The following TRHDE variants were observed in gnomAD, a reference collection of about 807,000 sequenced individuals.
TRHDE encodes thyrotropin-releasing hormone-degrading ectoenzyme.
TRHDE carries 72 observed loss-of-function variants against 125.7 expected under a neutral mutation model. The observed-to-expected ratio is 0.57, with a 90% CI of 0.47 to 0.70. The LOEUF (loss-of-function observed/expected upper bound fraction) is 0.70, where lower values mean the gene tolerates loss of function less well. Among genes scored for constraint, TRHDE ranks in the 30% least tolerant of loss-of-function variants. TRHDE has a pLI of 0.00. For synonymous variants in TRHDE, 509 were observed against 509.1 expected, an observed-to-expected ratio of 1.00 and a Z score of 0.00; for missense variants, 1,110 against 1,327.1, an observed-to-expected ratio of 0.84 and a Z score of 2.54.
At chr12:72,340,832 A>G (rs1049042777) in intron 2 of TRHDE, among the ~76,000 whole-genome samples, 1 of 152,126 alleles carries the variant, frequency 6.6e-6, no homozygotes, top group Non-Finnish European at 1.5e-5. Context: ...TGTAAGCTTT[A>G]TTATAAAGGA....
intron 2 of TRHDE, among the ~76,000 whole-genome samples, chr12:72,236,084 T>C (rs1878332870): frequency 6.6e-6 from 1 of 152,194 alleles, no homozygotes; most frequent in Admixed American, 6.6e-5. Context: ...AAAATTAATG[T>C]TCATCATTTT....
chr12:72,185,187 G>A (rs1023581487), intron 2 of TRHDE, among the ~76,000 whole-genome samples: 2 of 152,220 alleles, frequency 1.3e-5, no homozygotes, highest in Non-Finnish European at 2.9e-5. Flanking sequence ...CTTAGCACCC[G>A]GGCCAGTGGC....
intron 2 of TRHDE, among the ~76,000 whole-genome samples, chr12:72,355,409 A>T (rs1032241153): frequency 6.6e-6 from 1 of 151,372 alleles, no homozygotes; most frequent in Non-Finnish European, 1.5e-5. Flanking sequence ...TTCAAGATGG[A>T]GGCTACATGG....
intron 9 of TRHDE, among the ~76,000 whole-genome samples, chr12:72,566,199 A>G (rs1870433234): frequency 6.6e-6 from 1 of 152,080 alleles, no homozygotes; most frequent in South Asian, 2.1e-4. Flanking sequence ...AATTTCAAAT[A>G]TGCTTGGTAA....
At chr12:72,474,307 A>C (rs866928837) in intron 5 of TRHDE, among the ~76,000 whole-genome samples, 9 of 152,134 alleles carry the variant, frequency 5.9e-5, no homozygotes, top group Admixed American at 4.6e-4. Flanking sequence ...TCTGCCCTTC[A>C]GGAAGTTTTC....
chr12:72,513,725 G>C (rs1216609621), intron 6 of TRHDE, among the ~76,000 whole-genome samples: 1 of 151,792 alleles, frequency 6.6e-6, no homozygotes, highest in Non-Finnish European at 1.5e-5. Context: ...ACAAAATCTG[G>C]CTTTTGTCTT....
At chr12:72,371,453 T>C (rs939263234) in intron 2 of TRHDE, among the ~76,000 whole-genome samples, 4 of 151,536 alleles carry the variant, frequency 2.6e-5, no homozygotes, top group Non-Finnish European at 4.4e-5. Context: ...AGGTTAGTTA[T>C]ATATGTATAC....
intron 6 of TRHDE, among the ~76,000 whole-genome samples, chr12:72,515,591 G>T (rs535860359): frequency 1.9e-4 from 29 of 152,190 alleles, no homozygotes; most frequent in African/African-American, 7.0e-4. Flanking sequence ...GTTGTAGGTT[G>T]TCTGTTCACT....
intron 2 of TRHDE, among the ~76,000 whole-genome samples, chr12:72,290,919 T>C (rs1362258034): frequency 6.6e-6 from 1 of 152,206 alleles, no homozygotes; most frequent in South Asian, 2.1e-4. Context: ...AAGTGAGCAC[T>C]AAGGATAGTG....
At chr12:72,519,962 G>T (rs1278684409) in intron 6 of TRHDE, among the ~76,000 whole-genome samples, 2 of 152,188 alleles carry the variant, frequency 1.3e-5, no homozygotes, top group Non-Finnish European at 2.9e-5. Context: ...TGGGGGTCAG[G>T]GGTCAGGGAC....
At chr12:72,129,443 T>C (rs1052363402) in intron 2 of TRHDE, among the ~76,000 whole-genome samples, 5 of 152,212 alleles carry the variant, frequency 3.3e-5, no homozygotes, top group Non-Finnish European at 4.4e-5. Context: ...TCTCCAAACC[T>C]TCCTAACACT....
chr12:72,660,039 G>A (rs1388325960), intron 18 of TRHDE, among the ~76,000 whole-genome samples: 1 of 152,032 alleles, frequency 6.6e-6, no homozygotes. Flanking sequence ...AGACAAGGGG[G>A]CAGGGTAAGG....
chr12:72,104,940 T>C (rs1875150121), intron 1 of TRHDE, among the ~76,000 whole-genome samples: 1 of 152,176 alleles, frequency 6.6e-6, no homozygotes, highest in Non-Finnish European at 1.5e-5. Context: ...TTTCTCATGC[T>C]AGCTTTTCCA....
chr12:72,102,347 A>G (rs974408891), intron 1 of TRHDE, among the ~76,000 whole-genome samples: 1 of 152,118 alleles, frequency 6.6e-6, no homozygotes, highest in Admixed American at 6.5e-5. Flanking sequence ...AGTCATACAA[A>G]GACTCTCCAC....
chr12:72,621,749 C>T lies in TRHDE; in HGVS notation c.2673C>T (p.Asn891=). 6.2e-7 allele frequency: 1 copy of T among 1,600,536 alleles called. No homozygotes were observed. Among genetic ancestry groups the T allele is most frequent in the East Asian group, 2.3e-5 (1 of 43,946 alleles). The change falls in exon 15 of 19, where the codon AAC becomes AAT. Residue 891 remains asparagine (N), a splice_region_variant and synonymous_variant. Coordinates refer to ENST00000261180, the MANE Select transcript of TRHDE (RefSeq NM_013381.3). ...CAGATTGGATTTCCAGCAACAGGAA[C>T]AGGTAAACTGAGCCAAATCCTGTAT... ...LISDWISSNR[N]RIPLNVRDIV...
At chr12:72,577,369 A>AGGAAAT (rs147140091) in intron 12 of TRHDE, among the ~76,000 whole-genome samples, 62 of 152,294 alleles carry the variant, frequency 4.1e-4, no homozygotes, top group African/African-American at 1.5e-3. Flanking sequence ...TCTAAGTGTG[A>AGGAAAT]GGAAATGGAA....
intron 2 of TRHDE, among the ~76,000 whole-genome samples, chr12:72,136,698 C>G (rs1875993554): frequency 6.6e-6 from 1 of 152,124 alleles, no homozygotes; most frequent in Non-Finnish European, 1.5e-5. Context: ...AGGGAATATC[C>G]AATTGAAGGG....
chr12:72,103,121 G>A (rs1431017573), intron 1 of TRHDE, among the ~76,000 whole-genome samples: 1 of 152,180 alleles, frequency 6.6e-6, no homozygotes, highest in Non-Finnish European at 1.5e-5. Context: ...CAGCGTCCCA[G>A]AGAGCCCAGT....
At chr12:72,587,154 A>G (rs1436449001) in intron 12 of TRHDE, among the ~76,000 whole-genome samples, 2 of 152,222 alleles carry the variant, frequency 1.3e-5, no homozygotes, top group Non-Finnish European at 2.9e-5. Flanking sequence ...AATTATTCAC[A>G]GAAAAATAGT....
Sources: allele counts gnomAD v4.1 joint callset (sites outside exome capture counted in the v4.1 genomes callset), GRCh38; gene constraint gnomAD v4.1.1; transcripts MANE v1.5; gene names NCBI Gene and HGNC (gene_info 2026-07-23, HGNC 2026-07-21).